Variants in MBNL2 observed in about 807,000 individuals in gnomAD.
The protein encoded by MBNL2 is muscleblind-like protein 2.
A neutral mutation model predicts 41.9 loss-of-function variants in MBNL2; 17 were observed. The observed-to-expected ratio is 0.41, with a 90% confidence interval of 0.28 to 0.61. The LOEUF (loss-of-function observed/expected upper bound fraction) is 0.61. MBNL2 is among the 20% of genes least tolerant of loss of function. MBNL2 has a pLI of 0.35. For missense variants in MBNL2, 336 were observed against 505.6 expected (o/e 0.66, Z 3.22); for synonymous variants, 195 against 182.9 (o/e 1.07, Z -0.53).
chr13:97,373,605 A>AAAATAT (rs375523597), intron 8 of MBNL2, among the ~76,000 whole-genome samples: 20 of 145,390 alleles, frequency 1.4e-4, no homozygotes, highest in African/African-American at 2.3e-4. Flanking sequence ...GTATGCTAAA[A>AAAATAT]ATATATATAT....
At chr13:97,145,510 C>T in the MBNL2 span, among the ~76,000 whole-genome samples, 1 of 152,114 alleles carries the variant, frequency 6.6e-6, no homozygotes, top group African/African-American at 2.4e-5. Flanking sequence ...ATGCAGGTGC[C>T]CAGTAGCTTG....
chr13:97,244,909 A>G (rs2045132488), intron 1 of MBNL2, among the ~76,000 whole-genome samples: 1 of 152,252 alleles, frequency 6.6e-6, no homozygotes, highest in South Asian at 2.1e-4. Flanking sequence ...ACTATTCATA[A>G]AGATGTACAG....
chr13:97,326,182 T>TA (rs1429930079), intron 2 of MBNL2, among the ~76,000 whole-genome samples: 1 of 152,224 alleles, frequency 6.6e-6, no homozygotes, highest in Admixed American at 6.5e-5. Flanking sequence ...TTGGTCCACT[T>TA]ACCTATGTAA....
At chr13:97,320,176 T>A (rs1265618407) in intron 2 of MBNL2, among the ~76,000 whole-genome samples, 3 of 152,066 alleles carry the variant, frequency 2.0e-5, no homozygotes, top group African/African-American at 7.2e-5. Context: ...GCAACAGAAA[T>A]TTATATTCTT....
the MBNL2 span, among the ~76,000 whole-genome samples, chr13:97,178,970 A>T: frequency 6.6e-6 from 1 of 152,256 alleles, no homozygotes; most frequent in South Asian, 2.1e-4. Context: ...TGAGATAAAT[A>T]GTTGAAGCTG....
intron 1 of MBNL2, among the ~76,000 whole-genome samples, chr13:97,266,602 G>T (rs906762010): frequency 6.6e-6 from 1 of 152,230 alleles, no homozygotes; most frequent in Non-Finnish European, 1.5e-5. Context: ...CTTAGGATGC[G>T]GCCAAGTCAT....
At chr13:97,262,869 T>C (rs1384312954) in intron 1 of MBNL2, among the ~76,000 whole-genome samples, 1 of 152,114 alleles carries the variant, frequency 6.6e-6, no homozygotes, top group African/African-American at 2.4e-5. Flanking sequence ...GTTCAAGCAA[T>C]TCTCCTGCTT....
the MBNL2 span, among the ~76,000 whole-genome samples, chr13:97,178,935 T>A: frequency 7.9e-5 from 12 of 152,228 alleles, no homozygotes; most frequent in African/African-American, 2.9e-4. Context: ...ATGGTATATA[T>A]CAAAATAGCT....
intron 2 of MBNL2, among the ~76,000 whole-genome samples, chr13:97,329,721 T>TA (rs2060246226): frequency 5.7e-3 from 1 of 176 alleles, no homozygotes; most frequent in South Asian, 0.083. Flanking sequence ...ACATACAACA[T>TA]ACACAACATA....
At chr13:97,320,925 A>C (rs1172406128) in intron 2 of MBNL2, among the ~76,000 whole-genome samples, 1 of 152,106 alleles carries the variant, frequency 6.6e-6, no homozygotes, top group Non-Finnish European at 1.5e-5. Flanking sequence ...AAAAACAAAA[A>C]GATAGCCATA....
chr13:97,218,237 C>T (rs1002781520), upstream of MBNL2, among the ~76,000 whole-genome samples: 3 of 151,738 alleles, frequency 2.0e-5, no homozygotes, highest in Non-Finnish European at 4.4e-5. Flanking sequence ...GGTGAAATCC[C>T]ATCTCTACTA....
chr13:97,190,262 T>A, the MBNL2 span, among the ~76,000 whole-genome samples: 1 of 152,212 alleles, frequency 6.6e-6, no homozygotes, highest in Non-Finnish European at 1.5e-5. Flanking sequence ...AATAAATGTT[T>A]AAGAAGAAAT....
chr13:97,380,386 C>T (rs1347996434), intron 8 of MBNL2, among the ~76,000 whole-genome samples: 4 of 151,748 alleles, frequency 2.6e-5, no homozygotes, highest in African/African-American at 9.7e-5. Context: ...CCCAGCTACT[C>T]GGGAGGCTGA....
chr13:97,249,574 C>T (rs2046131859), intron 1 of MBNL2, among the ~76,000 whole-genome samples: 1 of 152,176 alleles, frequency 6.6e-6, no homozygotes, highest in Non-Finnish European at 1.5e-5. Flanking sequence ...TTAGCATTTC[C>T]TGTTGCTTAA....
At chr13:97,185,556 G>C in the MBNL2 span, among the ~76,000 whole-genome samples, 4 of 152,316 alleles carry the variant, frequency 2.6e-5, no homozygotes, top group African/African-American at 9.6e-5. Flanking sequence ...GGAGATAAGA[G>C]GGTGAGAGAA....
intron 2 of MBNL2, among the ~76,000 whole-genome samples, chr13:97,330,056 G>A (rs182962464): frequency 6.6e-6 from 1 of 152,170 alleles, no homozygotes; most frequent in Non-Finnish European, 1.5e-5. Context: ...AAGACTGCAG[G>A]CTTCATGAAG....
At chr13:97,322,744 G>A (rs1243500776) in intron 2 of MBNL2, among the ~76,000 whole-genome samples, 1 of 151,938 alleles carries the variant, frequency 6.6e-6, no homozygotes, top group East Asian at 1.9e-4. Context: ...GTCTCCATAG[G>A]CACACAACCC....
chr13:97,258,910 T>A (rs1566371720), intron 1 of MBNL2, among the ~76,000 whole-genome samples: 1 of 152,052 alleles, frequency 6.6e-6, no homozygotes, highest in Non-Finnish European at 1.5e-5. Flanking sequence ...AGACATATGT[T>A]AACCCCCCAG....
chr13:97,252,204 T>G (rs1001743964), intron 1 of MBNL2, among the ~76,000 whole-genome samples: 2 of 152,218 alleles, frequency 1.3e-5, no homozygotes, highest in African/African-American at 4.8e-5. Context: ...ATTAGTAAAT[T>G]TCATTGATTT....
Sources: gnomAD v4.1 joint callset for allele counts (sites outside exome capture counted in the v4.1 genomes callset) on GRCh38, gnomAD v4.1.1 for gene constraint, MANE v1.5 for transcripts, NCBI Gene and HGNC (gene_info 2026-07-23, HGNC 2026-07-21) for gene names.